CPM: variants seen among roughly 807,000 people sequenced by gnomAD.
The protein encoded by CPM is renal carboxypeptidase.
Under a neutral mutation model 46.4 loss-of-function variants are expected in CPM, and 35 were observed. That is an observed-to-expected ratio of 0.75 (90% CI 0.58 to 1.00). The LOEUF (loss-of-function observed/expected upper bound fraction) is 1.00. CPM is among the 50% of genes least tolerant of loss of function. The probability of loss-of-function intolerance (pLI) is 0.00; values close to 1 mark genes in which losing one functional copy is unlikely to be tolerated. For missense variants in CPM, 422 were observed against 530.4 expected, an observed-to-expected ratio of 0.80 and a Z score of 2.01; for synonymous variants, 195 against 195.3, an observed-to-expected ratio of 1.00 and a Z score of 0.01.
chr12:68,863,613 G>A (rs566381772), intron 7 of CPM, among the ~76,000 whole-genome samples: 13 of 152,184 alleles, frequency 8.5e-5, no homozygotes, highest in Non-Finnish European at 1.8e-4. Flanking sequence ...TCAACTTTCT[G>A]TTGACTACAC....
At chr12:68,902,445 G>A (rs1161785093) in intron 2 of CPM, among the ~76,000 whole-genome samples, 1 of 152,134 alleles carries the variant, frequency 6.6e-6, no homozygotes, top group South Asian at 2.1e-4. Context: ...CACTAACAAT[G>A]ATCACTAATT....
At chr12:68,950,343 T>G (rs1409217214) in intron 1 of CPM, among the ~76,000 whole-genome samples, 1 of 152,166 alleles carries the variant, frequency 6.6e-6, no homozygotes, top group Non-Finnish European at 1.5e-5. Flanking sequence ...ATGTTATATA[T>G]TAGTGTTATA....
At chr12:68,860,375 C>G (rs77002091) in intron 7 of CPM, among the ~76,000 whole-genome samples, 3,789 of 152,108 alleles carry the variant, frequency 0.025, 136 homozygotes, top group African/African-American at 0.084. Flanking sequence ...TAGGTAGTAC[C>G]CAATCATAAA....
intron 3 of CPM, among the ~76,000 whole-genome samples, chr12:68,873,363 A>G (rs1315504755): frequency 3.3e-5 from 5 of 152,226 alleles, no homozygotes; most frequent in Non-Finnish European, 5.9e-5. Context: ...TAATGAACAC[A>G]GAATAATTGA....
downstream of CPM, chr12:68,849,975 T>A (rs1416573153): frequency 6.6e-6 from 1 of 152,164 alleles, no homozygotes; most frequent in Non-Finnish European, 1.5e-5. Context: ...CTATTCTCAG[T>A]TGTCAAACAG....
At chr12:68,874,372 T>C (rs1885845747) in intron 3 of CPM, among the ~76,000 whole-genome samples, 1 of 151,868 alleles carries the variant, frequency 6.6e-6, no homozygotes, top group Non-Finnish European at 1.5e-5. Context: ...TCCCAGCACT[T>C]TGGGAGGCCG....
At chr12:68,932,427 CAGA>C (rs774465881) in intron 2 of CPM, among the ~76,000 whole-genome samples, 20 of 152,306 alleles carry the variant, frequency 1.3e-4, no homozygotes, top group East Asian at 5.8e-4. Flanking sequence ...TCCAAAAAGA[CAGA>C]AGAACTCCAA....
At chr12:68,877,502 A>G (rs1886010615) in intron 3 of CPM, among the ~76,000 whole-genome samples, 1 of 152,326 alleles carries the variant, frequency 6.6e-6, no homozygotes, top group African/African-American at 2.4e-5. Flanking sequence ...AATACCGAAC[A>G]CATTTTATAG....
intron 1 of CPM, among the ~76,000 whole-genome samples, chr12:68,961,158 AT>A (rs924685997): frequency 6.6e-6 from 1 of 151,686 alleles, no homozygotes; most frequent in Non-Finnish European, 1.5e-5. Context: ...TCTTAAAAAA[AT>A]TTTTTTTTGA....
chr12:68,878,942 C>T (rs993005740), intron 3 of CPM, among the ~76,000 whole-genome samples: 7 of 152,334 alleles, frequency 4.6e-5, no homozygotes, highest in South Asian at 4.1e-4. Context: ...AATCCCAACA[C>T]TTTGGAAGGC....
rs1414600617 is a variant in CPM, at chr12:68,854,027, T to C, written c.*2410A>G. 2.0e-5 allele frequency: 3 copies of C among 151,996 alleles called. No homozygotes were observed. The highest frequency in any genetic ancestry group is 4.4e-5 in the Non-Finnish European group (3 of 67,996). 9.4% of individuals were successfully genotyped at this position (151,996 alleles called of 1,614,324 possible). ...TTGAGTCCTAATGGTAAAATTTTTT[T>C]CTGATAAAAAAAGGTACTTTGTAGT... On this transcript the variant is annotated 3_prime_UTR_variant, in exon 9 of 9. Transcript: ENST00000551568.
At chr12:68,845,260 A>G (rs1430439632) in intron 5 of CPM, 1 of 214,868 alleles carries the variant, frequency 4.7e-6, no homozygotes, top group Non-Finnish European at 9.4e-6. Context: ...TTGTGATCAT[A>G]TTGTCTACCA....
At chr12:68,947,672 TC>T (rs1888869975) in intron 1 of CPM, among the ~76,000 whole-genome samples, 1 of 151,474 alleles carries the variant, frequency 6.6e-6, no homozygotes, top group African/African-American at 2.4e-5. Flanking sequence ...TGAGACAGGG[TC>T]TTGTTCTGTT....
At chr12:68,936,279 G>GA (rs756810491), upstream of CPM, among the ~76,000 whole-genome samples, 2 of 150,864 alleles carry the variant, frequency 1.3e-5, no homozygotes, top group Non-Finnish European at 3.0e-5. Context: ...GGTCAAGAGA[G>GA]AAAAAAAAAT....
intron 1 of CPM, among the ~76,000 whole-genome samples, chr12:68,949,773 T>A (rs1335742121): frequency 6.6e-6 from 1 of 152,054 alleles, no homozygotes; most frequent in Non-Finnish European, 1.5e-5. Flanking sequence ...CAATGGAAAA[T>A]TGCAGGTGAG....
chr12:68,879,658 C>A (rs1886104597), intron 3 of CPM, among the ~76,000 whole-genome samples: 1 of 152,208 alleles, frequency 6.6e-6, no homozygotes, highest in Admixed American at 6.5e-5. Flanking sequence ...AGCCACCATG[C>A]CTGGCCTGGG....
intron 1 of CPM, 81 bp from the exon 2 acceptor site, chr12:68,932,921 G>C: frequency 7.7e-7 from 1 of 1,295,294 alleles, no homozygotes. Context: ...TCGGTACTCC[G>C]GTCTCAGGGT....
At chr12:68,868,883 A>G (rs936728253) in intron 6 of CPM, among the ~76,000 whole-genome samples, 4 of 152,148 alleles carry the variant, frequency 2.6e-5, no homozygotes, top group Admixed American at 2.6e-4. Context: ...GATGGGATGT[A>G]AGCATCACAT....
intron 2 of CPM, among the ~76,000 whole-genome samples, chr12:68,926,415 A>G (rs1888262816): frequency 6.6e-6 from 1 of 152,082 alleles, no homozygotes; most frequent in Non-Finnish European, 1.5e-5. Context: ...TGGCTACTGA[A>G]TTGAACAGCT....
Sources: allele counts gnomAD v4.1 joint callset (sites outside exome capture counted in the v4.1 genomes callset), GRCh38; gene constraint gnomAD v4.1.1; transcripts MANE v1.5; gene names NCBI Gene and HGNC (gene_info 2026-07-23, HGNC 2026-07-21).